TSHZ2: variants seen among roughly 807,000 people sequenced by gnomAD.
TSHZ2 encodes the protein teashirt homolog 2.
In TSHZ2, 21 loss-of-function variants were observed where a neutral mutation model predicts 74.4. The ratio of observed to expected loss-of-function variants is 0.28; its 90% CI spans 0.20 to 0.41. The LOEUF (loss-of-function observed/expected upper bound fraction) is 0.41. Among genes scored for constraint, TSHZ2 ranks in the 10% least tolerant of loss-of-function variants. The pLI, the probability that TSHZ2 is intolerant of heterozygous loss-of-function variation, is 1.00. For synonymous variants in TSHZ2, 540 were observed against 515.3 expected, an observed-to-expected ratio of 1.05 and a Z score of -0.65; for missense variants, 1,244 against 1,293.5, an observed-to-expected ratio of 0.96 and a Z score of 0.59.
intron 1 of TSHZ2, among the ~76,000 whole-genome samples, chr20:53,201,979 G>A (rs1039558542): frequency 4.5e-4 from 68 of 152,304 alleles, no homozygotes; most frequent in African/African-American, 1.6e-3. Context: ...AGGCAGTACT[G>A]ACAGGTGTAA....
chr20:53,494,943 T>C lies in TSHZ2; in HGVS notation c.*7808T>C, dbSNP rs1206485589. The C allele has an allele frequency of 2.0e-5, 3 of 152,136 alleles. No homozygotes were observed. The highest frequency in any genetic ancestry group is 7.2e-5 in the African/African-American group (3 of 41,430). 9.4% of individuals were successfully genotyped at this position (152,136 alleles called of 1,614,324 possible). On this transcript the variant is annotated 3_prime_UTR_variant, in exon 3 of 3. Transcript: ENST00000371497. ...GCATCAGGAAACCCAACTGCTGACATTGAGGACCTGGGTGTGTTCAATTAT... is the reference window on the plus strand; with the variant it reads ...GCATCAGGAAACCCAACTGCTGACACTGAGGACCTGGGTGTGTTCAATTAT...
intron 2 of TSHZ2, among the ~76,000 whole-genome samples, chr20:53,297,248 C>CTTTT (rs35627909): frequency 9.9e-5 from 12 of 121,124 alleles, no homozygotes; most frequent in East Asian, 2.4e-4. Context: ...ATCTCAGAAT[C>CTTTT]TTTTTTTTTT....
intron 2 of TSHZ2, among the ~76,000 whole-genome samples, chr20:53,373,009 T>C (rs1981533836): frequency 6.6e-6 from 1 of 152,132 alleles, no homozygotes; most frequent in South Asian, 2.1e-4. Flanking sequence ...TCTTTATGAA[T>C]CTCCTTTCCA....
chr20:53,456,985 G>A (rs1464411174), intron 2 of TSHZ2, among the ~76,000 whole-genome samples: 14 of 68,948 alleles, frequency 2.0e-4, no homozygotes, highest in African/African-American at 7.2e-4. Flanking sequence ...TTGAAGTCAG[G>A]TAGTGTGATG....
At chr20:53,443,530 A>T (rs1055132177) in intron 2 of TSHZ2, among the ~76,000 whole-genome samples, 1 of 152,216 alleles carries the variant, frequency 6.6e-6, no homozygotes. Context: ...TTTAACCCCG[A>T]TTCTTCCATC....
chr20:53,044,053 G>T (rs1280262575), intron 1 of TSHZ2, among the ~76,000 whole-genome samples: 2 of 152,168 alleles, frequency 1.3e-5, no homozygotes, highest in East Asian at 3.9e-4. Context: ...AATACTTCCT[G>T]CTCACCGGGC....
chr20:53,200,924 C>A (rs1026438183), intron 1 of TSHZ2, among the ~76,000 whole-genome samples: 1 of 151,926 alleles, frequency 6.6e-6, no homozygotes, highest in Non-Finnish European at 1.5e-5. Context: ...CAAGATTGTC[C>A]TGGGTTGACA....
rs186820235 is a variant in TSHZ2 at position 53,252,977 on chromosome 20, T to C, written c.41-522T>C. Among the ~76,000 whole-genome samples the C allele has an allele frequency of 4.6e-5, 7 of 152,294 alleles. No individual in the cohort carries two copies. In the East Asian group the frequency reaches 1.4e-3, roughly 29 times the overall value. ...CAAAAAGACAGGGGCTATCAAAAAATATAATGGCTGTGTATCCAAATTACT... is the reference window on the plus strand; with the variant it reads ...CAAAAAGACAGGGGCTATCAAAAAACATAATGGCTGTGTATCCAAATTACT... On this transcript the variant is annotated intron_variant, in intron 1 of 2. Coordinates refer to ENST00000371497, the MANE Select transcript of TSHZ2 (RefSeq NM_173485.6).
intron 2 of TSHZ2, among the ~76,000 whole-genome samples, chr20:53,473,090 G>A (rs924207830): frequency 7.4e-5 from 11 of 149,046 alleles, no homozygotes; most frequent in African/African-American, 1.5e-4. Context: ...AGGGGCGCCC[G>A]CCATTGCCCA....
chr20:53,337,996 C>G (rs1406405577), intron 2 of TSHZ2, among the ~76,000 whole-genome samples: 2 of 152,146 alleles, frequency 1.3e-5, no homozygotes, highest in African/African-American at 2.4e-5. Flanking sequence ...CCTGGCCAGG[C>G]AGCATGAGAC....
At chr20:53,290,763 A>G (rs772106315) in intron 2 of TSHZ2, among the ~76,000 whole-genome samples, 2 of 152,234 alleles carry the variant, frequency 1.3e-5, no homozygotes, top group Non-Finnish European at 2.9e-5. Flanking sequence ...CTAGACCTGT[A>G]GTCAGTGTCC....
chr20:53,076,536 A>C (rs1600678311), intron 1 of TSHZ2, among the ~76,000 whole-genome samples: 1 of 152,218 alleles, frequency 6.6e-6, no homozygotes, highest in East Asian at 1.9e-4. Context: ...ACTGGGCCAG[A>C]TTCCATACAA....
intron 1 of TSHZ2, among the ~76,000 whole-genome samples, chr20:53,155,358 G>A (rs902008085): frequency 1.3e-5 from 2 of 152,016 alleles, no homozygotes; most frequent in Non-Finnish European, 1.5e-5. Context: ...TGTCAGAAAG[G>A]AACCTTTGGT....
chr20:53,073,017 C>CCCTCCATCCATCCCTT (rs1434158163), intron 1 of TSHZ2, among the ~76,000 whole-genome samples: 3 of 150,060 alleles, frequency 2.0e-5, no homozygotes, highest in Admixed American at 1.3e-4. Flanking sequence ...ATCCATCCCT[C>CCCTCCATCCATCCCTT]CCTCCATCCA....
chr20:52,983,606 A>C (rs1981646871), intron 1 of TSHZ2, among the ~76,000 whole-genome samples: 1 of 152,244 alleles, frequency 6.6e-6, no homozygotes, highest in African/African-American at 2.4e-5. Flanking sequence ...ACCAATTGCA[A>C]ATCCTAGCTG....
At chr20:53,182,806 C>T (rs1412208813) in intron 1 of TSHZ2, among the ~76,000 whole-genome samples, 1 of 152,190 alleles carries the variant, frequency 6.6e-6, no homozygotes, top group African/African-American at 2.4e-5. Context: ...TGTCTCTCCT[C>T]TCTTTGAACA....
rs902885127 is a variant in TSHZ2 at position 53,427,400 on chromosome 20, G to A, written c.*9-59744G>A. On this transcript the variant is annotated intron_variant, in intron 2 of 2. Coordinates refer to ENST00000371497, the MANE Select transcript of TSHZ2 (RefSeq NM_173485.6). The stretch of plus-strand genomic sequence containing the variant: ...TGATTTCAGTTTCTCCTACCCTTCC[G>A]GGTTGCATGCCAGATCCCCACCCCC... 5.3e-5 allele frequency among the ~76,000 whole-genome samples: 8 copies of A among 152,164 alleles called. No individual in the cohort carries two copies. The East Asian group carries it at 1.4e-3, about 26-fold the overall frequency.
At chr20:53,176,379 T>C (rs1414271514) in intron 1 of TSHZ2, among the ~76,000 whole-genome samples, 2 of 152,050 alleles carry the variant, frequency 1.3e-5, no homozygotes, top group Admixed American at 1.3e-4. Flanking sequence ...TGGGAGGAGG[T>C]GTCTGCTAGG....
At chr20:52,983,022 T>C (rs1218992643) in intron 1 of TSHZ2, among the ~76,000 whole-genome samples, 1 of 152,158 alleles carries the variant, frequency 6.6e-6, no homozygotes, top group Admixed American at 6.5e-5. Flanking sequence ...CAGCCCCTAG[T>C]GATGGTGAGT....
Sources: gnomAD v4.1 joint callset for allele counts (sites outside exome capture counted in the v4.1 genomes callset) on GRCh38, gnomAD v4.1.1 for gene constraint, MANE v1.5 for transcripts, NCBI Gene and HGNC (gene_info 2026-07-23, HGNC 2026-07-21) for gene names.